Variants in MAD1L1 observed in about 807,000 individuals in gnomAD.
The protein encoded by MAD1L1 is mitotic spindle assembly checkpoint protein MAD1.
In MAD1L1, 95 loss-of-function variants were observed where a neutral mutation model predicts 96.9. The observed-to-expected ratio is 0.98, with a 90% CI of 0.83 to 1.16. MAD1L1 has a LOEUF of 1.16. MAD1L1 is among the 50% of genes most tolerant of loss of function. The pLI, the probability that MAD1L1 is intolerant of heterozygous loss-of-function variation, is 0.00. For synonymous variants in MAD1L1, 473 were observed against 396.6 expected, an observed-to-expected ratio of 1.19 and a Z score of -2.29; for missense variants, 1,007 against 954.4, an observed-to-expected ratio of 1.06 and a Z score of -0.73.
chr7:2,067,114 G>C (rs1248156679), intron 12 of MAD1L1, among the ~76,000 whole-genome samples: 4 of 152,308 alleles, frequency 2.6e-5, no homozygotes, highest in South Asian at 4.1e-4. Context: ...CGGGGACTGG[G>C]CCCAACAACA....
At chr7:2,036,447 G>T (rs1047063196) in intron 12 of MAD1L1, among the ~76,000 whole-genome samples, 31 of 152,224 alleles carry the variant, frequency 2.0e-4, no homozygotes, top group African/African-American at 7.2e-4. Flanking sequence ...AATCCCTTAG[G>T]GTTGGCTCAG....
At chr7:1,871,867 G>C (rs953267405) in intron 18 of MAD1L1, among the ~76,000 whole-genome samples, 2 of 152,216 alleles carry the variant, frequency 1.3e-5, no homozygotes, top group African/African-American at 4.8e-5. Context: ...AGGGGACATG[G>C]AGGGGACAGG....
chr7:1,833,191 C>G (rs550406647), intron 18 of MAD1L1, among the ~76,000 whole-genome samples: 4 of 152,204 alleles, frequency 2.6e-5, no homozygotes. Context: ...TTTATATGCA[C>G]TGGGAAACAA....
chr7:2,066,254 C>T (rs1444093592), intron 12 of MAD1L1, among the ~76,000 whole-genome samples: 1 of 152,196 alleles, frequency 6.6e-6, no homozygotes, highest in Non-Finnish European at 1.5e-5. Context: ...AGAAGGCGCT[C>T]CTCGACCACC....
intron 18 of MAD1L1, among the ~76,000 whole-genome samples, chr7:1,851,258 C>A (rs1783961341): frequency 6.6e-6 from 1 of 152,190 alleles, no homozygotes; most frequent in Non-Finnish European, 1.5e-5. Context: ...CACGCCCAGA[C>A]CAGAGCCGGC....
intron 18 of MAD1L1, among the ~76,000 whole-genome samples, chr7:1,884,394 G>A (rs1439827475): frequency 6.6e-6 from 1 of 152,200 alleles, no homozygotes; most frequent in African/African-American, 2.4e-5. Context: ...CCTGAGGTGA[G>A]CCCTGGACTC....
chr7:1,920,792 C>T (rs147295883), intron 17 of MAD1L1, among the ~76,000 whole-genome samples: 1 of 152,240 alleles, frequency 6.6e-6, no homozygotes, highest in African/African-American at 2.4e-5. Context: ...CCATTCTGGG[C>T]ATGCAAGACA....
intron 12 of MAD1L1, among the ~76,000 whole-genome samples, chr7:2,031,315 C>A (rs749357231): frequency 1.3e-5 from 2 of 152,216 alleles, no homozygotes; most frequent in Non-Finnish European, 2.9e-5. Flanking sequence ...TCACACCCTC[C>A]CCACTGGCCT....
intron 12 of MAD1L1, among the ~76,000 whole-genome samples, chr7:2,067,197 AGGCACCCGGGGTCATCAGGCCAT>A (rs1784914395): frequency 7.6e-6 from 1 of 131,416 alleles, no homozygotes; most frequent in African/African-American, 3.8e-5. Flanking sequence ...CCACGTTCGC[AGGCACCCGGGGTCATCAGGCCAT>A]GTTCGCAGGC....
intron 12 of MAD1L1, among the ~76,000 whole-genome samples, chr7:2,062,701 G>A (rs1406079808): frequency 1.3e-5 from 2 of 152,310 alleles, no homozygotes; most frequent in Admixed American, 1.3e-4. Flanking sequence ...TCTGTCCTGG[G>A]TCTGTAATTT....
At chr7:2,184,860 G>A (rs999009458) in intron 10 of MAD1L1, among the ~76,000 whole-genome samples, 2 of 152,088 alleles carry the variant, frequency 1.3e-5, no homozygotes, top group Admixed American at 6.5e-5. Flanking sequence ...AAATTAGCCA[G>A]GCGTGATAGC....
intron 13 of MAD1L1, among the ~76,000 whole-genome samples, chr7:2,007,590 C>G (rs1198449353): frequency 6.6e-6 from 1 of 152,240 alleles, no homozygotes; most frequent in Non-Finnish European, 1.5e-5. Context: ...AGGAGAATCA[C>G]TTGAACCCGG....
At chr7:2,135,616 C>A (rs1788710846) in intron 11 of MAD1L1, among the ~76,000 whole-genome samples, 1 of 152,204 alleles carries the variant, frequency 6.6e-6, no homozygotes, top group Non-Finnish European at 1.5e-5. Flanking sequence ...AATGCTGGTG[C>A]AGAGGAAGGC....
intron 14 of MAD1L1, among the ~76,000 whole-genome samples, chr7:1,981,044 G>A (rs1389097241): frequency 6.6e-6 from 1 of 152,188 alleles, no homozygotes; most frequent in African/African-American, 2.4e-5. Flanking sequence ...TCGGCTCACT[G>A]CAACCTCCAC....
At chr7:1,952,292 G>A (rs944189847) in intron 16 of MAD1L1, among the ~76,000 whole-genome samples, 3 of 152,234 alleles carry the variant, frequency 2.0e-5, no homozygotes, top group East Asian at 1.9e-4. Context: ...ATGCTGCTCC[G>A]AGGACTGCGG....
intron 18 of MAD1L1, among the ~76,000 whole-genome samples, chr7:1,888,732 T>C (rs1786344905): frequency 1.3e-5 from 2 of 152,008 alleles, no homozygotes; most frequent in African/African-American, 2.4e-5. Context: ...TGGGTGGCTG[T>C]GCATGGGTGG....
chr7:2,225,364 G>C, intron 4 of MAD1L1, 46 bp downstream of exon 4: 1 of 1,607,562 alleles, frequency 6.2e-7, no homozygotes, highest in Non-Finnish European at 8.5e-7. Flanking sequence ...CAGCCCCCTT[G>C]CTTCCTGGGG....
chr7:2,087,559 C>T (rs11982791), intron 11 of MAD1L1, among the ~76,000 whole-genome samples: 1 of 152,016 alleles, frequency 6.6e-6, no homozygotes, highest in African/African-American at 2.4e-5. Flanking sequence ...ATTATTAATA[C>T]TACTACTAAT....
intron 12 of MAD1L1, among the ~76,000 whole-genome samples, chr7:2,045,011 G>A (rs1783858439): frequency 6.6e-6 from 1 of 152,214 alleles, no homozygotes; most frequent in Non-Finnish European, 1.5e-5. Context: ...ACACGCCCAA[G>A]CCACACGGCC....
Sources: allele counts gnomAD v4.1 joint callset (sites outside exome capture counted in the v4.1 genomes callset), GRCh38; gene constraint gnomAD v4.1.1; transcripts MANE v1.5; gene names NCBI Gene and HGNC (gene_info 2026-07-23, HGNC 2026-07-21).